CCDC85C: variants seen among roughly 807,000 people sequenced by gnomAD.
CCDC85C encodes coiled-coil domain-containing protein 85C.
Under a neutral mutation model 38.3 loss-of-function variants are expected in CCDC85C, and 18 were observed. The ratio of observed to expected loss-of-function variants is 0.47; its 90% CI spans 0.33 to 0.70. The LOEUF (loss-of-function observed/expected upper bound fraction) is 0.70, where lower values mean the gene tolerates loss of function less well. Among genes scored for constraint, CCDC85C ranks in the 30% least tolerant of loss-of-function variants. CCDC85C has a pLI of 0.03. For missense variants in CCDC85C, 566 were observed against 621.2 expected, an observed-to-expected ratio of 0.91 and a Z score of 0.94; for synonymous variants, 264 against 293.8, an observed-to-expected ratio of 0.90 and a Z score of 1.04.
At chr14:99,591,507 T>C (rs2055086329) in intron 1 of CCDC85C, among the ~76,000 whole-genome samples, 1 of 152,198 alleles carries the variant, frequency 6.6e-6, no homozygotes, top group Admixed American at 6.5e-5. Flanking sequence ...TCCAGCCAGC[T>C]GCAAAGGCTG....
At chr14:99,595,506 C>T (rs2055133797) in intron 1 of CCDC85C, among the ~76,000 whole-genome samples, 1 of 152,228 alleles carries the variant, frequency 6.6e-6, no homozygotes, top group Non-Finnish European at 1.5e-5. Context: ...CTCAGCTGTT[C>T]TTTCTGCGAA....
chr14:99,523,118 A>G (rs962248540), intron 2 of CCDC85C, among the ~76,000 whole-genome samples: 3 of 152,178 alleles, frequency 2.0e-5, no homozygotes, highest in African/African-American at 7.2e-5. Context: ...CTGGGCAGAT[A>G]AAACCCTGCG....
intron 2 of CCDC85C, chr14:99,534,982 C>T (rs1454309801): frequency 2.2e-6 from 1 of 464,184 alleles, no homozygotes; most frequent in Non-Finnish European, 3.9e-6. Context: ...CTGCTAATCC[C>T]ACCAGGCCCT....
chr14:99,515,699 C>G (rs865994010), intron 5 of CCDC85C, among the ~76,000 whole-genome samples: 2 of 152,122 alleles, frequency 1.3e-5, no homozygotes, highest in Non-Finnish European at 2.9e-5. Flanking sequence ...GCAAGCACCC[C>G]CAAGGAGACC....
chr14:99,510,428 C>G lies in CCDC85C; in HGVS notation c.*4818G>C. 9.0e-6 allele frequency: 14 copies of G among 1,547,706 alleles called. No homozygotes were observed. Among genetic ancestry groups the G allele is most frequent in the Admixed American group, 2.0e-5 (1 of 50,866 alleles). ...GACCCTCCTACGGTGCCCTGCCCCCCGCCTACGGCCCACCTGCACACCTGC... is the reference window on the plus strand; with the variant it reads ...GACCCTCCTACGGTGCCCTGCCCCCGGCCTACGGCCCACCTGCACACCTGC... On this transcript the variant is annotated 3_prime_UTR_variant, in exon 6 of 6. Coordinates refer to ENST00000380243, the MANE Select transcript of CCDC85C (RefSeq NM_001144995.2).
In CCDC85C at chr14:99,507,220, A is replaced by G. The variant is rs1476616680; in HGVS notation, c.*8026T>C. 1 of 932,052 alleles carries G rather than the reference A, an allele frequency of 1.1e-6. No homozygotes were observed. The allele number at this position is 932,052 out of a possible 1,614,324, so 57.7% of individuals were successfully genotyped here. ...AATGTTGGACGCAGCAGGTCCTGGGAACTTAGAAAAGGGAGACTGGGGCCC... is the reference window on the plus strand; with the variant it reads ...AATGTTGGACGCAGCAGGTCCTGGGGACTTAGAAAAGGGAGACTGGGGCCC... On this transcript the variant is annotated 3_prime_UTR_variant, in exon 6 of 6. Transcript: ENST00000380243.
At chr14:99,523,945 CCAAAA>C (rs1566760954) in intron 2 of CCDC85C, among the ~76,000 whole-genome samples, 1 of 150,118 alleles carries the variant, frequency 6.7e-6, no homozygotes, top group Non-Finnish European at 1.5e-5. Context: ...CCACCAGGTA[CCAAAA>C]AGAGGAAGAG....
At chr14:99,594,023 G>C (rs2055117188) in intron 1 of CCDC85C, among the ~76,000 whole-genome samples, 1 of 148,186 alleles carries the variant, frequency 6.7e-6, no homozygotes, top group Non-Finnish European at 1.5e-5. Flanking sequence ...TTTTGCTGGG[G>C]GTGGGGGCGG....
rs1273608285 is a variant in CCDC85C, at chr14:99,533,806, T to G, written c.867+2209A>C. Reference sequence around the variant, plus strand: ...TGTGCACAGGTGGGTGCAGGGCAGGTGGACACAGGTTATGGTGGAGGGCCC... The same window carrying G: ...TGTGCACAGGTGGGTGCAGGGCAGGGGGACACAGGTTATGGTGGAGGGCCC... On this transcript the variant is annotated intron_variant, in intron 2 of 5. Coordinates refer to ENST00000380243, the MANE Select transcript of CCDC85C (RefSeq NM_001144995.2). This position sits in a 1 kb window ranked among gnomAD's most constrained non-coding sequence, Gnocchi z 4.2. Among the ~76,000 whole-genome samples, 2 of 152,036 alleles carry G rather than the reference T, an allele frequency of 1.3e-5. No homozygotes were observed. The highest frequency in any genetic ancestry group is 2.9e-5 in the Non-Finnish European group (2 of 67,978).
At chr14:99,584,398 G>C (rs2055006221) in intron 1 of CCDC85C, among the ~76,000 whole-genome samples, 1 of 152,164 alleles carries the variant, frequency 6.6e-6, no homozygotes, top group African/African-American at 2.4e-5. Context: ...CAGCTGGGAG[G>C]TGCTCCTGCC....
chr14:99,528,882 A>C (rs1476934599), intron 2 of CCDC85C, among the ~76,000 whole-genome samples: 4 of 152,224 alleles, frequency 2.6e-5, no homozygotes, highest in South Asian at 2.1e-4. Context: ...GAGCTAATGC[A>C]TGCTGGGCTT....
intron 1 of CCDC85C, among the ~76,000 whole-genome samples, chr14:99,536,322 G>A (rs1897598827): frequency 6.6e-6 from 1 of 152,218 alleles, no homozygotes; most frequent in African/African-American, 2.4e-5. Flanking sequence ...GACACACAGA[G>A]GCCAGCCTTG....
At position 99,509,974 on chromosome 14, in the gene CCDC85C, A is replaced by C; in HGVS notation, c.*5272T>G. 1.6e-6 allele frequency: 1 copy of C among 637,470 alleles called. No individual in the cohort carries two copies. The allele number at this position is 637,470 out of a possible 1,614,324, so 39.5% of individuals were successfully genotyped here. A position where few individuals can be genotyped will look rare whatever the true frequency, so the allele number is the denominator to read the frequency against. Reference sequence around the variant, plus strand: ...GCAGACAGGGTGGAGGGCCTTCTTGACAGATGGTGGGGAGACATCTGGTGG... The same window carrying C: ...GCAGACAGGGTGGAGGGCCTTCTTGCCAGATGGTGGGGAGACATCTGGTGG... On this transcript the variant is annotated 3_prime_UTR_variant, in exon 6 of 6. Coordinates refer to ENST00000380243, the MANE Select transcript of CCDC85C (RefSeq NM_001144995.2).
chr14:99,518,051 G>A (rs1897252765), intron 3 of CCDC85C, among the ~76,000 whole-genome samples: 1 of 152,178 alleles, frequency 6.6e-6, no homozygotes, highest in South Asian at 2.1e-4. Flanking sequence ...GCCAACCATG[G>A]AAGCTGAGTC....
chr14:99,525,283 G>A (rs1897362318), intron 2 of CCDC85C, among the ~76,000 whole-genome samples: 1 of 152,186 alleles, frequency 6.6e-6, no homozygotes, highest in Non-Finnish European at 1.5e-5. Flanking sequence ...CCCCAGAGGG[G>A]AACCCCGTCC....
At chr14:99,515,802 G>T (rs1319364873) in intron 5 of CCDC85C, among the ~76,000 whole-genome samples, 1 of 152,056 alleles carries the variant, frequency 6.6e-6, no homozygotes, top group Non-Finnish European at 1.5e-5. Context: ...CCTGCTCTGA[G>T]CACCATCTGC....
chr14:99,578,730 G>A (rs779214195), intron 1 of CCDC85C, among the ~76,000 whole-genome samples: 27 of 152,226 alleles, frequency 1.8e-4, no homozygotes, highest in Admixed American at 4.6e-4. Context: ...AGTTCATCAC[G>A]TGTAATCGGG....
chr14:99,554,906 T>C (rs1213972133), intron 1 of CCDC85C, among the ~76,000 whole-genome samples: 1 of 152,212 alleles, frequency 6.6e-6, no homozygotes, highest in Non-Finnish European at 1.5e-5. Context: ...AGTTGAGAGC[T>C]TCCAAGGACC....
At position 99,516,694 on chromosome 14, in the gene CCDC85C, C is replaced by T. The variant is rs1296311849; in HGVS notation, c.1071+394G>A. Among the ~76,000 whole-genome samples, 1 of 152,104 alleles carries T rather than the reference C, an allele frequency of 6.6e-6. No homozygotes were observed. ...AGGAAGGGGGGCATGGGAGTGGGGA[C>T]TGTGCTCAGGTGTGCACAGCCTGGA... On this transcript the variant is annotated intron_variant, in intron 4 of 5. Coordinates refer to ENST00000380243, the MANE Select transcript of CCDC85C (RefSeq NM_001144995.2). The surrounding 1 kb of genome is among the most constrained non-coding windows in gnomAD (Gnocchi z 5.5).
Sources: gnomAD v4.1 joint callset for allele counts (sites outside exome capture counted in the v4.1 genomes callset) on GRCh38, gnomAD v4.1.1 for gene constraint, Gnocchi (gnomAD v3.1) non-coding constraint, MANE v1.5 for transcripts, NCBI Gene and HGNC (gene_info 2026-07-23, HGNC 2026-07-21) for gene names.